PLK1: variants seen among roughly 807,000 people sequenced by gnomAD.
The protein encoded by PLK1 is polo like kinase 1.
PLK1 carries 6 observed loss-of-function variants against 56.7 expected under a neutral mutation model. The ratio of observed to expected loss-of-function variants is 0.11; its 90% CI spans 0.06 to 0.21. The LOEUF (loss-of-function observed/expected upper bound fraction) is 0.21, where lower values mean the gene tolerates loss of function less well. Among genes scored for constraint, PLK1 ranks in the 10% least tolerant of loss-of-function variants. The pLI is 1.00. For missense variants in PLK1, 546 were observed against 814.4 expected (o/e 0.67, Z 4.01); for synonymous variants, 298 against 325.0 (o/e 0.92, Z 0.89).
At chr16:23,683,214 G>A (rs111697354) in intron 4 of PLK1, among the ~76,000 whole-genome samples, 9,650 of 151,758 alleles carry the variant, frequency 0.064, 639 homozygotes, top group African/African-American at 0.16. Context: ...GGATGGTCTC[G>A]ATCTCCTGAC....
At position 23,689,570 on chromosome 16, in the gene PLK1, A is replaced by G. The variant is rs985550581; in HGVS notation, c.1502A>G (p.Glu501Gly). ...LKAGANITPR[E>G]GDELARLPYL... Reference sequence around the variant, plus strand: ...GCAGGTGCCAACATCACGCCGCGCGAAGGTGATGAGCTCGCCCGGCTGCCC... The same window carrying G: ...GCAGGTGCCAACATCACGCCGCGCGGAGGTGATGAGCTCGCCCGGCTGCCC... Residue 501 changes from glutamate to glycine, a missense_variant, in exon 9 of 10, where the codon GAA becomes GGA. By Grantham distance (98) the Glu-to-Gly change is moderately conservative. This residue lies in a region of PLK1 where 113 missense variants were observed against 202.0 expected (regional missense o/e 0.56). Transcript: ENST00000300093. The surrounding 1 kb of genome is among the most constrained non-coding windows in gnomAD (Gnocchi z 4.8). The G allele has an allele frequency of 6.2e-7, 1 of 1,613,748 alleles. No homozygotes were observed. Among genetic ancestry groups the G allele is most frequent in the Non-Finnish European group, 8.5e-7 (1 of 1,179,964 alleles).
chr16:23,682,238 A>T, intron 4 of PLK1, 81 bp downstream of exon 4: 1 of 784,244 alleles, frequency 1.3e-6, no homozygotes, highest in Middle Eastern at 2.3e-4. Context: ...TCCTAGGACC[A>T]GAAATAGGTC....
intron 4 of PLK1, among the ~76,000 whole-genome samples, chr16:23,682,985 CTTTTTTTTTTTT>C (rs1031796646): frequency 4.4e-5 from 4 of 91,516 alleles, no homozygotes; most frequent in East Asian, 3.8e-4. Flanking sequence ...TGTGCATTTT[CTTTTTTTTTTTT>C]TTTTTTTTTT....
At position 23,683,283 on chromosome 16, in the gene PLK1, C is replaced by T. The variant is rs1209889540; in HGVS notation, c.817-587C>T. 2.6e-5 allele frequency among the ~76,000 whole-genome samples: 4 copies of T among 152,032 alleles called. No homozygotes were observed. The South Asian group carries it at 6.2e-4, about 24-fold the overall frequency. On this transcript the variant is annotated intron_variant, in intron 4 of 9. Coordinates refer to ENST00000300093, the MANE Select transcript of PLK1 (RefSeq NM_005030.6). ...CTGAGATTACAGGCGTGAGCCACCG[C>T]GCCCGGCCATGGTGTGCATTTTCAC...
At position 23,680,936 on chromosome 16, in the gene PLK1, A is replaced by G; in HGVS notation, c.600A>G (p.Lys200=). ...VKIGDFGLAT[K]VEYDGERKKT... ...CAGGGGATTTTGGACTGGCAACCAA[A>G]GTCGAATATGACGGGGAGAGGAAGA... is the stretch of plus-strand genomic sequence containing the variant. Residue 200 remains lysine (K), a synonymous_variant, in exon 3 of 10, where the codon AAA becomes AAG. Transcript: ENST00000300093. 6.2e-7 allele frequency: 1 copy of G among 1,610,830 alleles called. No homozygotes were observed. The highest frequency in any genetic ancestry group is 8.5e-7 in the Non-Finnish European group (1 of 1,178,894).
chr16:23,679,356 G>T lies in PLK1; in HGVS notation c.408+16G>T. The T allele has an allele frequency of 6.2e-7, 1 of 1,602,948 alleles. No homozygotes were observed. The highest frequency in any genetic ancestry group is 1.1e-5 in the South Asian group (1 of 89,272). On this transcript the variant is annotated intron_variant, in intron 1 of 9. Coordinates refer to ENST00000300093, the MANE Select transcript of PLK1 (RefSeq NM_005030.6). ...CCGCCGGAGGGTGAGTGTCGCTGCT[G>T]GGGAACTGGAACTGCCTGCGGGGCA...
rs548618475 is a variant in PLK1, at chr16:23,678,896, C to G, written c.-37C>G. The G allele has an allele frequency of 2.7e-6, 4 of 1,456,464 alleles. No homozygotes were observed. The highest frequency in any genetic ancestry group is 3.6e-6 in the Non-Finnish European group (4 of 1,102,864). The allele number at this position is 1,456,464 out of a possible 1,614,324, so 90.2% of individuals were successfully genotyped here. On this transcript the variant is annotated 5_prime_UTR_variant, in exon 1 of 10. Transcript: ENST00000300093. ...GGAGGAGCGGAGCGGTGCGGAGGCT[C>G]TGCTCGGATCGAGGTCTGCAGCGCA...
intron 7 of PLK1, among the ~76,000 whole-genome samples, chr16:23,688,946 G>A (rs1266309584): frequency 6.6e-6 from 1 of 151,010 alleles, no homozygotes; most frequent in Non-Finnish European, 1.5e-5. Context: ...CTGCTCTGTA[G>A]CCCAGGCTGG....
At chr16:23,687,972 A>G (rs963084785) in intron 6 of PLK1, among the ~76,000 whole-genome samples, 2 of 152,124 alleles carry the variant, frequency 1.3e-5, no homozygotes, top group Non-Finnish European at 2.9e-5. Context: ...TCCAGACACC[A>G]CATGGCTCAC....
In PLK1 at chr16:23,689,798, C is replaced by A; in HGVS notation, c.1609-62C>A. On this transcript the variant is annotated intron_variant, in intron 9 of 9. Coordinates refer to ENST00000300093, the MANE Select transcript of PLK1 (RefSeq NM_005030.6). This position sits in a 1 kb window ranked among gnomAD's most constrained non-coding sequence, Gnocchi z 4.8. ...GTACCTATAACCTGTTGTGTCTTCC[C>A]TCTACTCCCTAACATACACTGGCCT... The A allele has an allele frequency of 6.5e-7, 1 of 1,542,230 alleles. No individual in the cohort carries two copies. Among genetic ancestry groups the A allele is most frequent in the Non-Finnish European group, 8.9e-7 (1 of 1,118,734 alleles).
chr16:23,687,256 G>T, intron 5 of PLK1: 1 of 366,300 alleles, frequency 2.7e-6, no homozygotes, highest in Non-Finnish European at 4.9e-6. Flanking sequence ...ACACCGTTGG[G>T]TCAGAGGCCA....
chr16:23,679,152 G>A lies in PLK1; in HGVS notation c.220G>A (p.Asp74Asn), dbSNP rs1302599020. Residue 74 changes from aspartate (D) to asparagine (N), a missense_variant, in exon 1 of 10, where the codon GAC becomes AAC. Asp to Asn is a conservative substitution (Grantham distance 23, BLOSUM62 1). Around this residue, in one of 7 missense-constraint regions of PLK1, gnomAD observed 111 missense variants for 211.8 expected, o/e 0.52. Coordinates refer to ENST00000300093, the MANE Select transcript of PLK1 (RefSeq NM_005030.6). ...FAKCFEISDA[D>N]TKEVFAGKIV... ...CAAGTGCTTCGAGATCTCGGACGCG[G>A]ACACCAAGGAGGTGTTCGCGGGCAA... 3.1e-6 allele frequency: 5 copies of A among 1,613,318 alleles called. No homozygotes were observed. Among genetic ancestry groups the A allele is most frequent in the East Asian group, 4.5e-5 (2 of 44,864 alleles).
chr16:23,683,855 C>G lies in PLK1; in HGVS notation c.817-15C>G. The G allele has an allele frequency of 6.2e-7, 1 of 1,606,368 alleles. No homozygotes were observed. The highest frequency in any genetic ancestry group is 2.2e-5 in the East Asian group (1 of 44,836). On this transcript the variant is annotated splice_polypyrimidine_tract_variant and intron_variant, in intron 4 of 9. Transcript: ENST00000300093. ...CTTCACATTCTGCTTATGGCTGTCC[C>G]TCTCTCTGCCCCAGCACATCAACCC...
In PLK1 at chr16:23,689,625, C is replaced by T. The variant is rs372966701; in HGVS notation, c.1557C>T (p.Ser519=). 39 of 1,612,480 alleles carry T rather than the reference C, an allele frequency of 2.4e-5. No homozygotes were observed. The highest frequency in any genetic ancestry group is 8.9e-5 in the East Asian group (4 of 44,874). The part of the protein sequence containing the change: ...PYLRTWFRTR[S]AIILHLSNGS... ...TACGGACCTGGTTCCGCACCCGCAG[C>T]GCCATCATCCTGCACCTCAGCAACG... The change falls in exon 9 of 10, where the codon AGC becomes AGT. Residue 519 remains serine (S), a synonymous_variant. Coordinates refer to ENST00000300093, the MANE Select transcript of PLK1 (RefSeq NM_005030.6). This position sits in a 1 kb window ranked among gnomAD's most constrained non-coding sequence, Gnocchi z 4.8.
chr16:23,687,136 A>C (rs26767), intron 5 of PLK1: 38,722 of 178,248 alleles, frequency 0.22, 4,721 homozygotes, highest in East Asian at 0.44. Flanking sequence ...CAGCCCTTCC[A>C]TCTGCCTGGA....
At chr16:23,684,593 G>C (rs561501674) in intron 5 of PLK1, among the ~76,000 whole-genome samples, 2 of 152,134 alleles carry the variant, frequency 1.3e-5, no homozygotes, top group African/African-American at 4.8e-5. Context: ...GGGCTCAAGC[G>C]ATCCTTTCAC....
At position 23,679,445 on chromosome 16, in the gene PLK1, G is replaced by C. The variant is rs74012328; in HGVS notation, c.408+105G>C. 2.4e-3 allele frequency: 2,694 copies of C among 1,102,516 alleles called. 41 individuals are homozygous for C. In the African/African-American group the frequency reaches 0.037, roughly 15 times the overall value. The allele number at this position is 1,102,516 out of a possible 1,614,324, so 68.3% of individuals were successfully genotyped here. On this transcript the variant is annotated intron_variant, in intron 1 of 9. Transcript: ENST00000300093. ...CCAGCAAGGGAGAGCCTGGGACTTG[G>C]AGCTGCTAGAGAAGGGTGCTGGGAG...
chr16:23,680,365 G>A (rs1470451046), intron 2 of PLK1, 113 bp downstream of exon 2: 7 of 789,334 alleles, frequency 8.9e-6, no homozygotes, highest in Non-Finnish European at 1.4e-5. Flanking sequence ...GCCTACAGAT[G>A]CATTATTTTT....
intron 1 of PLK1, chr16:23,679,616 G>A (rs1959299658): frequency 2.3e-6 from 1 of 437,098 alleles, no homozygotes; most frequent in Non-Finnish European, 4.1e-6. Context: ...GGGGGGAGGG[G>A]TGCTGGTAAT....
Sources: gnomAD v4.1 joint callset for allele counts (sites outside exome capture counted in the v4.1 genomes callset) on GRCh38, gnomAD v4.1.1 for gene constraint, gnomAD v4.1.1 regional missense constraint, Gnocchi (gnomAD v3.1) non-coding constraint, MANE v1.5 for transcripts, NCBI Gene and HGNC (gene_info 2026-07-23, HGNC 2026-07-21) for gene names.